Variants in PAK1 observed in about 807,000 individuals in gnomAD.
PAK1 encodes the protein serine/threonine-protein kinase PAK 1.
Under a neutral mutation model 67.4 loss-of-function variants are expected in PAK1, and 29 were observed. That is an observed-to-expected ratio of 0.43 (90% CI 0.32 to 0.59). The LOEUF (loss-of-function observed/expected upper bound fraction) is 0.59, where lower values mean the gene tolerates loss of function less well. Ranked by LOEUF, PAK1 falls within the 20% of genes least tolerant of loss-of-function variation. PAK1 has a pLI of 0.07. For synonymous variants in PAK1, 223 were observed against 237.4 expected (o/e 0.94, Z 0.56); for missense variants, 337 against 670.7 (o/e 0.50, Z 5.50).
intron 1 of PAK1, among the ~76,000 whole-genome samples, chr11:77,443,593 A>G (rs1014211609): frequency 6.6e-6 from 1 of 152,202 alleles, no homozygotes; most frequent in Non-Finnish European, 1.5e-5. Flanking sequence ...CATTTTACAT[A>G]CAGGAAAACT....
At chr11:77,357,948 G>T (rs959655552) in intron 6 of PAK1, among the ~76,000 whole-genome samples, 1 of 152,116 alleles carries the variant, frequency 6.6e-6, no homozygotes, top group African/African-American at 2.4e-5. Flanking sequence ...CCATATCAGT[G>T]TTAACGACTC....
At chr11:77,448,542 CAAT>C (rs1382597583) in intron 1 of PAK1, among the ~76,000 whole-genome samples, 1 of 152,176 alleles carries the variant, frequency 6.6e-6, no homozygotes, top group Non-Finnish European at 1.5e-5. Flanking sequence ...CACAGGAGGA[CAAT>C]GTCAGAGAAG....
the PAK1 span, among the ~76,000 whole-genome samples, chr11:77,525,473 C>T: frequency 1.3e-5 from 2 of 152,084 alleles, no homozygotes; most frequent in East Asian, 1.9e-4. Flanking sequence ...TATTATGGAC[C>T]GAAAGAACTA....
At chr11:77,496,919 T>G in the PAK1 span, among the ~76,000 whole-genome samples, 1 of 152,016 alleles carries the variant, frequency 6.6e-6, no homozygotes, top group African/African-American at 2.4e-5. Context: ...GGCAACAGAC[T>G]ATGTCTCCAA....
upstream of PAK1, among the ~76,000 whole-genome samples, chr11:77,479,039 C>A (rs1254996074): frequency 1.3e-5 from 2 of 150,484 alleles, no homozygotes; most frequent in African/African-American, 2.5e-5. Context: ...GAGCCGAGAC[C>A]GCGCCACTGC....
intron 1 of PAK1, among the ~76,000 whole-genome samples, chr11:77,405,331 C>T (rs961763474): frequency 2.6e-5 from 4 of 152,146 alleles, no homozygotes; most frequent in African/African-American, 9.7e-5. Flanking sequence ...GTTTTGAGCA[C>T]TGATCTGATT....
chr11:77,381,167 GTGTGTGTGT>G (rs1378940567), intron 2 of PAK1, among the ~76,000 whole-genome samples: 4 of 139,598 alleles, frequency 2.9e-5, no homozygotes, highest in African/African-American at 1.1e-4. Context: ...GTGTGTGTGT[GTGTGTGTGT>G]AGAGAGAGAG....
chr11:77,440,622 A>G (rs758257994), intron 1 of PAK1, among the ~76,000 whole-genome samples: 42 of 152,184 alleles, frequency 2.8e-4, no homozygotes, highest in Non-Finnish European at 5.0e-4. Flanking sequence ...TCTTTCTACT[A>G]AACCATTAAT....
At chr11:77,374,527 T>C (rs1427674523) in intron 4 of PAK1, among the ~76,000 whole-genome samples, 162 bp from the exon 5 acceptor site, 1 of 152,228 alleles carries the variant, frequency 6.6e-6, no homozygotes, top group East Asian at 1.9e-4. Context: ...GCATTATACA[T>C]ATCACCTTCT....
chr11:77,467,133 G>T (rs1012732966), intron 1 of PAK1, among the ~76,000 whole-genome samples: 1 of 152,104 alleles, frequency 6.6e-6, no homozygotes, highest in Non-Finnish European at 1.5e-5. Flanking sequence ...TCTCTTTCAA[G>T]AGGGTCCATC....
intron 2 of PAK1, among the ~76,000 whole-genome samples, chr11:77,381,173 GTGT>G (rs1201797650): frequency 3.0e-4 from 39 of 129,742 alleles, no homozygotes; most frequent in African/African-American, 1.1e-3. Flanking sequence ...GTGTGTGTGT[GTGT>G]AGAGAGAGAG....
chr11:77,457,165 C>T (rs1274870344), intron 1 of PAK1, among the ~76,000 whole-genome samples: 1 of 152,116 alleles, frequency 6.6e-6, no homozygotes, highest in African/African-American at 2.4e-5. Flanking sequence ...AATGTTAGGT[C>T]AGTAGCAGAG....
At chr11:77,441,907 C>G (rs1193328901) in intron 1 of PAK1, among the ~76,000 whole-genome samples, 1 of 152,190 alleles carries the variant, frequency 6.6e-6, no homozygotes, top group Non-Finnish European at 1.5e-5. Flanking sequence ...GCAAAGAAAT[C>G]TTCTTGTGTT....
chr11:77,330,610 C>T (rs1411413191), intron 14 of PAK1, among the ~76,000 whole-genome samples: 3 of 152,184 alleles, frequency 2.0e-5, no homozygotes, highest in East Asian at 1.9e-4. Flanking sequence ...GGATCCCTTC[C>T]TTACACCTTA....
chr11:77,524,162 G>A, the PAK1 span, among the ~76,000 whole-genome samples: 8 of 152,204 alleles, frequency 5.3e-5, no homozygotes, highest in African/African-American at 1.2e-4. Context: ...ATAAAACATC[G>A]TTGGATCATG....
intron 2 of PAK1, among the ~76,000 whole-genome samples, chr11:77,388,186 C>T (rs1209431508): frequency 6.6e-6 from 1 of 152,186 alleles, no homozygotes; most frequent in Non-Finnish European, 1.5e-5. Context: ...GATGTATTTT[C>T]AGATCAGATT....
At chr11:77,363,984 C>T (rs1239573360) in intron 5 of PAK1, among the ~76,000 whole-genome samples, 2 of 152,244 alleles carry the variant, frequency 1.3e-5, no homozygotes, top group Non-Finnish European at 2.9e-5. Context: ...AGAACATTCA[C>T]TTTGTGCTGG....
chr11:77,367,850 C>T (rs1359057071), intron 5 of PAK1, among the ~76,000 whole-genome samples: 6 of 152,098 alleles, frequency 3.9e-5, no homozygotes, highest in Admixed American at 2.0e-4. Flanking sequence ...CATGGTGGTG[C>T]GTGCCTGCAG....
In PAK1 at chr11:77,323,175, A is replaced by G. The variant is rs973066592; in HGVS notation, c.*99T>C. The G allele has an allele frequency of 1.9e-6, 3 of 1,571,766 alleles. No individual in the cohort carries two copies. The highest frequency in any genetic ancestry group is 2.6e-6 in the Non-Finnish European group (3 of 1,157,936). On this transcript the variant is annotated 3_prime_UTR_variant, in exon 15 of 15. Coordinates refer to ENST00000356341, the MANE Select transcript of PAK1 (RefSeq NM_002576.5). The stretch of plus-strand genomic sequence containing the variant: ...GAGTGCTAGATCAGGAAATGGGAGA[A>G]GCAAGGCAAGGAGAAGAGGGCATCA...
Sources: allele counts gnomAD v4.1 joint callset (sites outside exome capture counted in the v4.1 genomes callset), GRCh38; gene constraint gnomAD v4.1.1; transcripts MANE v1.5; gene names NCBI Gene and HGNC (gene_info 2026-07-23, HGNC 2026-07-21).